The following SGSM1 variants were observed in gnomAD, a reference collection of about 807,000 sequenced individuals.
SGSM1 encodes the protein RUN and TBC1 domain containing 2.
SGSM1 carries 73 observed loss-of-function variants against 133.8 expected under a neutral mutation model. The ratio of observed to expected loss-of-function variants is 0.55; its 90% confidence interval spans 0.45 to 0.66. The LOEUF (loss-of-function observed/expected upper bound fraction) is 0.66. SGSM1 is among the 30% of genes least tolerant of loss of function. The pLI is 0.00. For missense variants in SGSM1, 1,213 were observed against 1,448.1 expected, an observed-to-expected ratio of 0.84 and a Z score of 2.64; for synonymous variants, 563 against 573.0, an observed-to-expected ratio of 0.98 and a Z score of 0.25.
intron 2 of SGSM1, among the ~76,000 whole-genome samples, chr22:24,817,178 T>A (rs997193701): frequency 2.6e-5 from 4 of 152,030 alleles, no homozygotes; most frequent in Non-Finnish European, 5.9e-5. Flanking sequence ...ATGCGGGAGG[T>A]ATACACTCCT....
At chr22:24,819,477 C>T (rs947029338) in intron 2 of SGSM1, among the ~76,000 whole-genome samples, 14 of 152,124 alleles carry the variant, frequency 9.2e-5, no homozygotes, top group African/African-American at 4.8e-5. Flanking sequence ...GAGAGCAAAC[C>T]CAAGAAGCAT....
At chr22:24,882,872 A>G (rs1932408216) in intron 14 of SGSM1, among the ~76,000 whole-genome samples, 2 of 149,284 alleles carry the variant, frequency 1.3e-5, no homozygotes, top group African/African-American at 4.9e-5. Context: ...ATTCCATCAC[A>G]TTTGTATACC....
In SGSM1 at chr22:24,898,383, G is replaced by C. The variant is rs1932986156; in HGVS notation, c.2434G>C (p.Val812Leu). The part of the protein sequence containing the change: ...LDMALPEKDD[V>L]VMEGWRSSET... Reference sequence around the variant, plus strand: ...CATGGCCCTGCCTGAAAAGGACGATGTTGTGATGGAGGGCTGGAGGAGCAG... The same window carrying C: ...CATGGCCCTGCCTGAAAAGGACGATCTTGTGATGGAGGGCTGGAGGAGCAG... The change falls in exon 19 of 25, where the codon GTT (valine) becomes CTT (leucine). Residue 812 changes from valine (V) to leucine (L), a missense_variant. By Grantham distance (32) the Val-to-Leu change is conservative. Coordinates refer to ENST00000400358, the MANE Select transcript of SGSM1 (RefSeq NM_001098497.3). 6.2e-7 allele frequency: 1 copy of C among 1,613,578 alleles called. No homozygotes were observed. The highest frequency in any genetic ancestry group is 1.7e-5 in the Admixed American group (1 of 59,984).
intron 16 of SGSM1, among the ~76,000 whole-genome samples, chr22:24,890,412 A>G (rs1932795184): frequency 6.7e-6 from 1 of 148,622 alleles, no homozygotes; most frequent in South Asian, 2.1e-4. Context: ...CCCCAGTGGT[A>G]ACAGTTTATG....
intron 18 of SGSM1, among the ~76,000 whole-genome samples, chr22:24,895,694 TCAA>T (rs1356485309): frequency 6.6e-6 from 1 of 152,206 alleles, no homozygotes; most frequent in Non-Finnish European, 1.5e-5. Context: ...TATATGTTGT[TCAA>T]CAACTTTCCG....
In SGSM1 at chr22:24,886,838, G is replaced by C. The variant is rs1044364187; in HGVS notation, c.1770+110G>C. ...GGACCAAGGAAGGGGAGGGAGATAC[G>C]GGGAAGATGGGAACCTGAAGGCGGC... On this transcript the variant is annotated intron_variant, in intron 16 of 24. Coordinates refer to ENST00000400358, the MANE Select transcript of SGSM1 (RefSeq NM_001098497.3). 1.4e-5 allele frequency: 19 copies of C among 1,345,500 alleles called. No individual in the cohort carries two copies. In the South Asian group the frequency reaches 2.6e-4, roughly 19 times the overall value. 83.3% of individuals were successfully genotyped at this position (1,345,500 alleles called of 1,614,324 possible).
In SGSM1 at chr22:24,863,718, T is replaced by A. The variant is rs867949762; in HGVS notation, c.927-3375T>A. Among the ~76,000 whole-genome samples, 12 of 150,644 alleles carry A rather than the reference T, an allele frequency of 8.0e-5. 1 individual carries two copies. In the Middle Eastern group the frequency reaches 0.025, roughly 312 times the overall value. On this transcript the variant is annotated intron_variant, in intron 9 of 24. Coordinates refer to ENST00000400358, the MANE Select transcript of SGSM1 (RefSeq NM_001098497.3). Reference sequence around the variant, plus strand: ...ATGGGGTGGTTTTTGTCTGAGCTTGTGCAGGAGCTCTTTTTTTCTTCTTTT... The same window carrying A: ...ATGGGGTGGTTTTTGTCTGAGCTTGAGCAGGAGCTCTTTTTTTCTTCTTTT...
At chr22:24,868,661 A>G in intron 11 of SGSM1, 62 bp from the exon 12 acceptor site, 21 of 1,609,592 alleles carry the variant, frequency 1.3e-5, no homozygotes, top group Non-Finnish European at 1.4e-5. Flanking sequence ...ATACCCTCAG[A>G]CTAAGCAAGT....
At chr22:24,822,022 C>A (rs1928502343) in intron 2 of SGSM1, among the ~76,000 whole-genome samples, 1 of 151,318 alleles carries the variant, frequency 6.6e-6, no homozygotes, top group African/African-American at 2.4e-5. Flanking sequence ...TCCGCCATCA[C>A]AGTATCATGA....
intron 8 of SGSM1, 177 bp from the exon 9 acceptor site, chr22:24,859,539 T>C: frequency 2.4e-6 from 2 of 849,678 alleles, no homozygotes; most frequent in Non-Finnish European, 3.8e-6. Context: ...TGCAAATGGC[T>C]TTGCTTAGCA....
At chr22:24,854,934 C>G (rs1209084930) in intron 5 of SGSM1, 62 bp from the exon 6 acceptor site, 1 of 1,377,622 alleles carries the variant, frequency 7.3e-7, no homozygotes. Context: ...GAACTCTCAT[C>G]TGTGGATTGT....
In SGSM1 at chr22:24,922,498, C is replaced by T. The variant is rs866705791; in HGVS notation, c.3194-1688C>T. 2.7e-3 allele frequency among the ~76,000 whole-genome samples: 302 copies of T among 110,206 alleles called. 2 individuals are homozygous for T. The highest frequency in any genetic ancestry group is 8.5e-3 in the African/African-American group (251 of 29,434). The allele number at this position is 110,206 out of a possible 152,430, so 72.3% of individuals were successfully genotyped here. On this transcript the variant is annotated intron_variant, in intron 24 of 24. Coordinates refer to ENST00000400358, the MANE Select transcript of SGSM1 (RefSeq NM_001098497.3). ...CCCGGCCTTTTTTTTTTTTTTGAGA[C>T]GGAGTCTTGCTCTGTCACCCAGGCT...
At chr22:24,808,117 T>A (rs995295306) in intron 2 of SGSM1, among the ~76,000 whole-genome samples, 2 of 144,906 alleles carry the variant, frequency 1.4e-5, no homozygotes, top group African/African-American at 5.2e-5. Flanking sequence ...TTCTTGGTGT[T>A]TTTTTTTTTT....
At chr22:24,823,601 AAAAATAAAAT>A (rs1433728438) in intron 2 of SGSM1, among the ~76,000 whole-genome samples, 18 of 150,208 alleles carry the variant, frequency 1.2e-4, no homozygotes, top group Admixed American at 1.1e-3. Context: ...ACTCCATCTC[AAAAATAAAAT>A]AAAATAAAAT....
intron 10 of SGSM1, among the ~76,000 whole-genome samples, chr22:24,867,641 C>T (rs927296916): frequency 5.9e-5 from 9 of 152,174 alleles, no homozygotes; most frequent in Admixed American, 2.6e-4. Context: ...AAAGTCAGTG[C>T]TCTGAAGATT....
chr22:24,911,648 G>C (rs1318804508), intron 21 of SGSM1, among the ~76,000 whole-genome samples: 1 of 152,118 alleles, frequency 6.6e-6, no homozygotes, highest in African/African-American at 2.4e-5. Context: ...CATTACCTCT[G>C]TGGTTTTCCT....
At chr22:24,861,669 T>C (rs1931160699) in intron 9 of SGSM1, among the ~76,000 whole-genome samples, 1 of 151,640 alleles carries the variant, frequency 6.6e-6, no homozygotes, top group Non-Finnish European at 1.5e-5. Context: ...CACCTCAGCC[T>C]CCTGAGTAGC....
chr22:24,847,656 G>A lies in SGSM1; in HGVS notation c.162G>A (p.Leu54=), dbSNP rs2147839717. Residue 54 remains leucine, a synonymous_variant, in exon 4 of 25, where the codon CTG becomes CTA. Coordinates refer to ENST00000400358, the MANE Select transcript of SGSM1 (RefSeq NM_001098497.3). ...CAGCGGCTGTGGAGGCCTGCGTTCT[G>A]CACGGGCTTCGGCGGCGGGCGGCTG... ...SFCAAVEACV[L]HGLRRRAAGF... The A allele has an allele frequency of 1.9e-6, 3 of 1,613,652 alleles. No homozygotes were observed. Among genetic ancestry groups the A allele is most frequent in the Admixed American group, 1.7e-5 (1 of 60,010 alleles).
chr22:24,808,202 C>T (rs1318732950), intron 2 of SGSM1, among the ~76,000 whole-genome samples: 2 of 151,744 alleles, frequency 1.3e-5, no homozygotes, highest in African/African-American at 2.4e-5. Flanking sequence ...AAAACTCCAC[C>T]TCCTGGGTTC....
Sources: allele counts gnomAD v4.1 joint callset (sites outside exome capture counted in the v4.1 genomes callset), GRCh38; gene constraint gnomAD v4.1.1; transcripts MANE v1.5; gene names NCBI Gene and HGNC (gene_info 2026-07-23, HGNC 2026-07-21).